WDFY4: variants seen among roughly 807,000 people sequenced by gnomAD.
WDFY4 encodes the protein WD repeat- and FYVE domain-containing protein 4.
WDFY4 carries 169 observed loss-of-function variants against 351.9 expected under a neutral mutation model. That is an observed-to-expected ratio of 0.48 (90% CI 0.42 to 0.55). WDFY4 has a LOEUF of 0.55. WDFY4 is among the 20% of genes least tolerant of loss of function. The probability of loss-of-function intolerance (pLI) is 0.00; values close to 1 mark genes in which losing one functional copy is unlikely to be tolerated. For missense variants in WDFY4, 3,803 were observed against 3,935.6 expected, an observed-to-expected ratio of 0.97 and a Z score of 0.90; for synonymous variants, 1,622 against 1,574.6, an observed-to-expected ratio of 1.03 and a Z score of -0.71.
intron 1 of WDFY4, among the ~76,000 whole-genome samples, chr10:48,688,345 A>G (rs1377075416): frequency 6.6e-6 from 1 of 152,240 alleles, no homozygotes; most frequent in Non-Finnish European, 1.5e-5. Context: ...TTCAACAGAA[A>G]AAAAAACTAT....
intron 36 of WDFY4, 29 bp downstream of exon 36, chr10:48,826,938 T>A: frequency 6.6e-7 from 1 of 1,518,392 alleles, no homozygotes. Flanking sequence ...TTTCCTTGTC[T>A]GCTGGTGGTC....
At chr10:48,863,156 A>G (rs1044990121) in intron 39 of WDFY4, among the ~76,000 whole-genome samples, 24 of 152,236 alleles carry the variant, frequency 1.6e-4, no homozygotes, top group African/African-American at 5.5e-4. Flanking sequence ...ATATTGCTAT[A>G]AACATTCATG....
chr10:48,891,094 C>T (rs1223833005), intron 44 of WDFY4, among the ~76,000 whole-genome samples: 2 of 152,244 alleles, frequency 1.3e-5, no homozygotes, highest in African/African-American at 4.8e-5. Context: ...CCCCTCTCTT[C>T]CGAGGGACTT....
intron 38 of WDFY4, among the ~76,000 whole-genome samples, chr10:48,831,556 C>G (rs2068189952): frequency 6.6e-6 from 1 of 152,158 alleles, no homozygotes; most frequent in South Asian, 2.1e-4. Context: ...GTCCAGTGGC[C>G]CAGAATCTCC....
chr10:48,826,150 G>A (rs2067992730), intron 35 of WDFY4, among the ~76,000 whole-genome samples: 1 of 152,164 alleles, frequency 6.6e-6, no homozygotes, highest in Admixed American at 6.5e-5. Context: ...TAACGAAGGG[G>A]TCCAGTTTCG....
intron 23 of WDFY4, 41 bp downstream of exon 23, chr10:48,790,958 G>C (rs561946046): frequency 6.5e-7 from 1 of 1,546,648 alleles, no homozygotes; most frequent in East Asian, 2.4e-5. Flanking sequence ...CTCCTGAAAG[G>C]GCTGTCATCC....
At position 48,735,933 on chromosome 10, in the gene WDFY4, G is replaced by A. The variant is rs961602324; in HGVS notation, c.1741G>A (p.Glu581Lys). The change falls in exon 11 of 62, where the codon GAG (glutamate) becomes AAG (lysine). Residue 581 changes from glutamate to lysine, a missense_variant. By Grantham distance (56) the Glu-to-Lys change is moderately conservative (BLOSUM62 1). Coordinates refer to ENST00000325239, the MANE Select transcript of WDFY4 (RefSeq NM_001394531.1). ...VPFIKIFLDD[E>K]CYREASLSIL... ...CTTCATCAAGATCTTCCTGGATGAC[G>A]AGTGCTACCGGGAGGCCTCGCTCAG... 11 of 1,551,574 alleles carry A rather than the reference G, an allele frequency of 7.1e-6. No homozygotes were observed. Among genetic ancestry groups the A allele is most frequent in the East Asian group, 2.4e-5 (1 of 40,946 alleles).
Position 48,810,527 on chromosome 10 carries a change from C to A in WDFY4, c.4839-3C>A. The A allele has an allele frequency of 6.5e-7, 1 of 1,549,376 alleles. No homozygotes were observed. Among genetic ancestry groups the A allele is most frequent in the Non-Finnish European group, 8.7e-7 (1 of 1,146,250 alleles). On this transcript the variant is annotated splice_polypyrimidine_tract_variant and splice_region_variant and intron_variant, in intron 28 of 61. Coordinates refer to ENST00000325239, the MANE Select transcript of WDFY4 (RefSeq NM_001394531.1). Reference sequence around the variant, plus strand: ...AACATTGGTTGCATTTATTAATCCCCAGGTCAAAGGAAGAGATGTTTCTGA... The same window carrying A: ...AACATTGGTTGCATTTATTAATCCCAAGGTCAAAGGAAGAGATGTTTCTGA...
In WDFY4 at chr10:48,731,135, C is replaced by T. The variant is rs1295443003; in HGVS notation, c.1155C>T (p.Ala385=). Residue 385 remains alanine, a synonymous_variant, in exon 9 of 62, where the codon GCC becomes GCT. Coordinates refer to ENST00000325239, the MANE Select transcript of WDFY4 (RefSeq NM_001394531.1). ...GGGTGACTGTTAAGAATCTTCAGGC[C>T]TTCCAGGTCCTACAGAATGTTTTCC... ...ASGVTVKNLQ[A]FQVLQNVFHK... The T allele has an allele frequency of 4.5e-6, 7 of 1,547,608 alleles. No homozygotes were observed. The highest frequency in any genetic ancestry group is 6.1e-6 in the Non-Finnish European group (7 of 1,144,012).
At chr10:48,925,963 T>C (rs1423137878) in intron 47 of WDFY4, among the ~76,000 whole-genome samples, 1 of 152,088 alleles carries the variant, frequency 6.6e-6, no homozygotes, top group Non-Finnish European at 1.5e-5. Flanking sequence ...CTCAGAGAAG[T>C]TAAGTGACTT....
Position 48,820,129 on chromosome 10 carries a change from TGTCAC to T in WDFY4, c.5506-104_5506-100del. 3 of 1,294,440 alleles carry T rather than the reference TGTCAC, an allele frequency of 2.3e-6. No homozygotes were observed. In the South Asian group the frequency reaches 4.0e-5, roughly 17 times the overall value. The allele number at this position is 1,294,440 out of a possible 1,614,324, so 80.2% of individuals were successfully genotyped here. On this transcript the variant is annotated intron_variant, in intron 32 of 61. Transcript: ENST00000325239. The stretch of plus-strand genomic sequence containing the variant: ...TGTGCGGAGCCTCAATTTCCGTACA[TGTCAC>T]TGGGCATGACAATAATCCGCCCATG...
chr10:48,854,361 G>A lies in WDFY4; in HGVS notation c.6664-12904G>A, dbSNP rs147035094. Among the ~76,000 whole-genome samples, 492 of 152,062 alleles carry A rather than the reference G, an allele frequency of 3.2e-3. 3 individuals carry two copies. The highest frequency in any genetic ancestry group is 0.011 in the African/African-American group (467 of 41,486). ...TGAGCTCCAGCGATCCGCCCACCTC[G>A]GCCTCCCAAAGTGCTGGGATTACAG... is the stretch of plus-strand genomic sequence containing the variant. On this transcript the variant is annotated intron_variant, in intron 39 of 61. Transcript: ENST00000325239.
chr10:48,726,828 G>C (rs2064285238), intron 6 of WDFY4, among the ~76,000 whole-genome samples: 1 of 152,172 alleles, frequency 6.6e-6, no homozygotes, highest in African/African-American at 2.4e-5. Context: ...CTCAGAAGAG[G>C]CTTCTCTTGA....
chr10:48,770,104 A>C (rs1051797357), intron 13 of WDFY4, among the ~76,000 whole-genome samples: 1 of 152,264 alleles, frequency 6.6e-6, no homozygotes. Context: ...CGTTGAAAAA[A>C]ACAGCGCATT....
At chr10:48,900,812 A>T (rs1032691536) in intron 46 of WDFY4, among the ~76,000 whole-genome samples, 10 of 152,214 alleles carry the variant, frequency 6.6e-5, no homozygotes, top group Admixed American at 3.9e-4. Flanking sequence ...AAGAAATCTA[A>T]GCCAGTGTGT....
At chr10:48,812,659 C>G (rs1183280112) in intron 30 of WDFY4, among the ~76,000 whole-genome samples, 1 of 152,188 alleles carries the variant, frequency 6.6e-6, no homozygotes, top group Admixed American at 6.5e-5. Flanking sequence ...GGCCACATTT[C>G]TCCAAAGAGG....
At chr10:48,804,791 G>A (rs2067198760) in intron 25 of WDFY4, 13 of 984,616 alleles carry the variant, frequency 1.3e-5, no homozygotes, top group Non-Finnish European at 1.6e-5. Flanking sequence ...GTATGGATAG[G>A]TGGATTCTGT....
At chr10:48,939,424 C>T (rs960292877) in intron 47 of WDFY4, among the ~76,000 whole-genome samples, 19 of 152,186 alleles carry the variant, frequency 1.2e-4, no homozygotes, top group African/African-American at 4.6e-4. Flanking sequence ...TGCTGTCTTG[C>T]TCGGGGCCCC....
chr10:48,966,484 G>C (rs1842087288), intron 54 of WDFY4, 42 bp from the exon 55 acceptor site: 2 of 1,531,664 alleles, frequency 1.3e-6, no homozygotes, highest in Non-Finnish European at 1.8e-6. Flanking sequence ...CCCTCCTCTG[G>C]GCATCTCTCC....
Sources: allele counts gnomAD v4.1 joint callset (sites outside exome capture counted in the v4.1 genomes callset), GRCh38; gene constraint gnomAD v4.1.1; transcripts MANE v1.5; gene names NCBI Gene and HGNC (gene_info 2026-07-23, HGNC 2026-07-21).